GCNT2: variants seen among roughly 807,000 people sequenced by gnomAD.
GCNT2 encodes glucosaminyl (N-acetyl) transferase 2 (I blood group).
In GCNT2, 34 loss-of-function variants were observed where a neutral mutation model predicts 34.2. The observed-to-expected ratio is 1.00, with a 90% confidence interval of 0.76 to 1.32. GCNT2 has a LOEUF of 1.32. Ranked by LOEUF, GCNT2 falls within the 40% of genes most tolerant of loss-of-function variation. The pLI, the probability that GCNT2 is intolerant of heterozygous loss-of-function variation, is 0.00. For synonymous variants in GCNT2, 212 were observed against 188.0 expected (o/e 1.13, Z -1.04); for missense variants, 584 against 489.4 (o/e 1.19, Z -1.82).
intron 3 of GCNT2, among the ~76,000 whole-genome samples, chr6:10,565,318 A>G (rs886372182): frequency 2.6e-5 from 4 of 152,178 alleles, no homozygotes; most frequent in African/African-American, 9.7e-5. Flanking sequence ...AGCAAAATGG[A>G]TCTTGCCACA....
chr6:10,545,060 C>T (rs1301771680), intron 3 of GCNT2, among the ~76,000 whole-genome samples: 1 of 152,048 alleles, frequency 6.6e-6, no homozygotes, highest in African/African-American at 2.4e-5. Flanking sequence ...TGATTAGATT[C>T]CTTTTCTGCG....
chr6:10,548,892 C>T (rs922408724), intron 3 of GCNT2, among the ~76,000 whole-genome samples: 1 of 151,976 alleles, frequency 6.6e-6, no homozygotes, highest in African/African-American at 2.4e-5. Context: ...CCAAGTAGCT[C>T]GGATTACAGG....
intron 3 of GCNT2, among the ~76,000 whole-genome samples, chr6:10,603,601 C>T (rs7743186): frequency 6.6e-6 from 1 of 151,912 alleles, no homozygotes; most frequent in Non-Finnish European, 1.5e-5. Flanking sequence ...CTGCAACCTC[C>T]GCCTCCTGGG....
At position 10,539,293 on chromosome 6, in the gene GCNT2, G is replaced by T. The variant is rs552746977; in HGVS notation, c.925+9457G>T. ...CAACCTCTGCCTCCTGGGTTCAAGC[G>T]ATTCCCCTGCCTCAGCCTCCCGAGT... On this transcript the variant is annotated intron_variant, in intron 3 of 4. Coordinates refer to ENST00000495262, the MANE Select transcript of GCNT2 (RefSeq NM_145649.5). Among the ~76,000 whole-genome samples, 328 of 147,858 alleles carry T rather than the reference G, an allele frequency of 2.2e-3. 1 individual carries two copies. The highest frequency in any genetic ancestry group is 7.6e-3 in the African/African-American group (301 of 39,756).
intron 3 of GCNT2, among the ~76,000 whole-genome samples, chr6:10,601,159 T>A (rs898658898): frequency 5.3e-5 from 8 of 152,340 alleles, no homozygotes; most frequent in Admixed American, 5.2e-4. Flanking sequence ...CCATGTTATT[T>A]GTTTTGCCCA....
intron 3 of GCNT2, among the ~76,000 whole-genome samples, chr6:10,561,042 T>G (rs141007726): frequency 1.4e-3 from 214 of 152,364 alleles, no homozygotes; most frequent in Non-Finnish European, 2.6e-3. Context: ...CAGCCGTAAC[T>G]TCTGACTTCC....
At chr6:10,537,927 TAC>T (rs1402266218) in intron 3 of GCNT2, among the ~76,000 whole-genome samples, 3 of 151,734 alleles carry the variant, frequency 2.0e-5, no homozygotes, top group Non-Finnish European at 4.4e-5. Context: ...CACTATAGAG[TAC>T]AGTCTCAGTT....
In GCNT2 at chr6:10,546,568, A is replaced by G. The variant is rs550690781; in HGVS notation, c.925+16732A>G. Among the ~76,000 whole-genome samples, 894 of 152,272 alleles carry G rather than the reference A, an allele frequency of 5.9e-3. 1 individual carries two copies. Among genetic ancestry groups the G allele is most frequent in the Non-Finnish European group, 7.8e-3 (530 of 68,014 alleles). On this transcript the variant is annotated intron_variant, in intron 3 of 4. Transcript: ENST00000495262. ...CAGCTACTCAGGAGGCTGAGGCAGG[A>G]TAATTGCTTGAACCCAGGGGGCGGA...
chr6:10,560,395 T>A (rs1356746606), intron 3 of GCNT2, among the ~76,000 whole-genome samples: 2 of 152,124 alleles, frequency 1.3e-5, no homozygotes. Flanking sequence ...CGGGCTGAGC[T>A]CTTCTATTTT....
chr6:10,596,529 A>T (rs1372310541), intron 3 of GCNT2, among the ~76,000 whole-genome samples: 1 of 152,072 alleles, frequency 6.6e-6, no homozygotes, highest in Non-Finnish European at 1.5e-5. Context: ...TCAAAAAAAA[A>T]AAAGATTTCC....
At chr6:10,617,456 G>T (rs1279465663) in intron 3 of GCNT2, among the ~76,000 whole-genome samples, 1 of 152,214 alleles carries the variant, frequency 6.6e-6, no homozygotes, top group African/African-American at 2.4e-5. Context: ...GCCCAGAAAG[G>T]GGCTCCCACA....
chr6:10,569,849 CTCTTTCTTTCTCTTTCTT>C (rs1363029343), intron 3 of GCNT2, among the ~76,000 whole-genome samples: 4 of 146,048 alleles, frequency 2.7e-5, no homozygotes, highest in East Asian at 1.9e-4. Flanking sequence ...TCCTTCCTTT[CTCTTTCTTTCTCTTTCTT>C]TCTTTCTTTC....
At chr6:10,624,658 T>A (rs1347569828) in intron 4 of GCNT2, among the ~76,000 whole-genome samples, 1 of 152,210 alleles carries the variant, frequency 6.6e-6, no homozygotes, top group Non-Finnish European at 1.5e-5. Context: ...ATTCAAGATA[T>A]GTGATCAAAA....
chr6:10,623,873 T>C (rs1280594770), intron 4 of GCNT2, among the ~76,000 whole-genome samples: 1 of 152,324 alleles, frequency 6.6e-6, no homozygotes, highest in East Asian at 1.9e-4. Context: ...AGCTTCCTTC[T>C]GAGGACTCCC....
intron 1 of GCNT2, among the ~76,000 whole-genome samples, chr6:10,526,192 G>C (rs1302566739): frequency 1.3e-5 from 2 of 152,202 alleles, no homozygotes; most frequent in Admixed American, 1.3e-4. Flanking sequence ...ACGCATGAAA[G>C]ATAGTTAAGA....
intron 3 of GCNT2, among the ~76,000 whole-genome samples, chr6:10,558,149 A>AT (rs1232000161): frequency 2.6e-5 from 4 of 152,228 alleles, no homozygotes; most frequent in Non-Finnish European, 5.9e-5. Flanking sequence ...GAATTAGGAT[A>AT]TTTACCTATT....
intron 3 of GCNT2, among the ~76,000 whole-genome samples, chr6:10,551,587 G>A (rs976280415): frequency 2.6e-5 from 4 of 151,408 alleles, no homozygotes; most frequent in South Asian, 2.1e-4. Flanking sequence ...TGGTACTACC[G>A]GCGCCCACCA....
intron 1 of GCNT2, among the ~76,000 whole-genome samples, chr6:10,526,477 G>T (rs1761192286): frequency 6.6e-6 from 1 of 152,176 alleles, no homozygotes. Context: ...TGATTGTGAA[G>T]ATAATACCCA....
At chr6:10,577,002 C>CA (rs1763850083) in intron 3 of GCNT2, among the ~76,000 whole-genome samples, 2 of 152,176 alleles carry the variant, frequency 1.3e-5, no homozygotes, top group Admixed American at 6.5e-5. Flanking sequence ...CTCTTGAGCT[C>CA]AGGAGTTCAA....
Sources: allele counts gnomAD v4.1 joint callset (sites outside exome capture counted in the v4.1 genomes callset), GRCh38; gene constraint gnomAD v4.1.1; transcripts MANE v1.5; gene names NCBI Gene and HGNC (gene_info 2026-07-23, HGNC 2026-07-21).